Variants in UACA observed in about 807,000 individuals in gnomAD.
The protein encoded by UACA is nuclear membrane binding protein.
Under a neutral mutation model 160.5 loss-of-function variants are expected in UACA, and 112 were observed. The ratio of observed to expected loss-of-function variants is 0.70; its 90% CI spans 0.60 to 0.82. UACA has a LOEUF of 0.82. UACA is among the 40% of genes least tolerant of loss of function. UACA has a pLI of 0.00. For synonymous variants in UACA, 557 were observed against 568.4 expected (o/e 0.98, Z 0.29); for missense variants, 1,574 against 1,614.6 (o/e 0.97, Z 0.43).
the UACA span, among the ~76,000 whole-genome samples, chr15:70,770,956 G>A: frequency 3.3e-5 from 5 of 152,176 alleles, no homozygotes; most frequent in Admixed American, 2.6e-4. Flanking sequence ...CTACCTTGGG[G>A]AATTCCCAAA....
intron 16 of UACA, chr15:70,665,071 A>G (rs760079660): frequency 1.1e-5 from 3 of 273,400 alleles, no homozygotes; most frequent in Non-Finnish European, 1.4e-5. Context: ...ATGTGAGTAT[A>G]AACATAGTCT....
chr15:70,686,239 G>A (rs1897712284), intron 7 of UACA, among the ~76,000 whole-genome samples: 1 of 151,708 alleles, frequency 6.6e-6, no homozygotes, highest in Non-Finnish European at 1.5e-5. Flanking sequence ...GCCGGAGGTG[G>A]TTGAGTTACA....
rs1566965837 is a variant in UACA at position 70,669,017 on chromosome 15, G to A, written c.1667C>T (p.Ala556Val). ...LKDLKVKYEG[A>V]SAEVGKLRNQ... ...TCTTAATTTCCCCACTTCTGCTGAAGCACCTTCATATTTTACTTTCAAGTC... is the reference window on the plus strand; with the variant it reads ...TCTTAATTTCCCCACTTCTGCTGAAACACCTTCATATTTTACTTTCAAGTC... Residue 556 changes from alanine to valine, a missense_variant, in exon 16 of 19, where the codon GCT (alanine) becomes GTT (valine). Ala to Val is a moderately conservative substitution (Grantham distance 64). Transcript: ENST00000322954. The A allele has an allele frequency of 2.5e-6, 4 of 1,613,846 alleles. No individual in the cohort carries two copies. Among genetic ancestry groups the A allele is most frequent in the Non-Finnish European group, 3.4e-6 (4 of 1,180,014 alleles).
intron 1 of UACA, among the ~76,000 whole-genome samples, chr15:70,719,868 G>A (rs908249903): frequency 4.1e-4 from 62 of 152,248 alleles, no homozygotes; most frequent in African/African-American, 1.4e-3. Context: ...CATTTATCCA[G>A]TAAGATTTTC....
chr15:70,753,837 G>A lies in UACA; in HGVS notation c.78+9493C>T, dbSNP rs139943654. ...TTTGTTGCTGTTGAGACAGAGCCTCGCTCCATCGCCCAGGCTGGAGTGCAG... is the reference window on the plus strand; with the variant it reads ...TTTGTTGCTGTTGAGACAGAGCCTCACTCCATCGCCCAGGCTGGAGTGCAG... On this transcript the variant is annotated intron_variant, in intron 1 of 18. Coordinates refer to ENST00000322954, the MANE Select transcript of UACA (RefSeq NM_018003.4). Among the ~76,000 whole-genome samples the A allele has an allele frequency of 1.7e-3, 256 of 152,184 alleles. 1 individual carries two copies. Among genetic ancestry groups the A allele is most frequent in the African/African-American group, 2.2e-3 (92 of 41,520 alleles).
chr15:70,752,029 G>A (rs1011111388), intron 1 of UACA, among the ~76,000 whole-genome samples: 7 of 152,092 alleles, frequency 4.6e-5, no homozygotes, highest in Non-Finnish European at 1.0e-4. Context: ...CTGAGGTCAG[G>A]AGTTCACGAC....
intron 7 of UACA, among the ~76,000 whole-genome samples, chr15:70,686,708 A>G (rs1362006712): frequency 6.6e-6 from 1 of 152,044 alleles, no homozygotes; most frequent in Non-Finnish European, 1.5e-5. Context: ...TATACTTCTA[A>G]TAAACTACAA....
At chr15:70,659,395 GTTTTTTTTTTTTTTT>G (rs71152307) in intron 18 of UACA, among the ~76,000 whole-genome samples, 4 of 18,820 alleles carry the variant, frequency 2.1e-4, no homozygotes, top group Admixed American at 1.1e-3. Flanking sequence ...TTTTTTGTTT[GTTTTTTTTTTTTTTT>G]TTTTTTTTTT....
At position 70,763,178 on chromosome 15, in the gene UACA, G is replaced by T. The variant is rs2030879384; in HGVS notation, c.78+152C>A. 23 of 825,232 alleles carry T rather than the reference G, an allele frequency of 2.8e-5. No homozygotes were observed. The South Asian group carries it at 8.2e-4, about 29-fold the overall frequency. The allele number at this position is 825,232 out of a possible 1,614,324, so 51.1% of individuals were successfully genotyped here. On this transcript the variant is annotated intron_variant, in intron 1 of 18. Transcript: ENST00000322954. ...GGATCCCCGGGGTCTCTGGGCTGAC[G>T]GAGTCTCCGGCCTCAGGGAGGAGTC...
chr15:70,708,709 G>A (rs1350452703), intron 1 of UACA, among the ~76,000 whole-genome samples: 1 of 152,134 alleles, frequency 6.6e-6, no homozygotes, highest in Non-Finnish European at 1.5e-5. Flanking sequence ...GACCTCAAGT[G>A]ATCTGCCCAC....
At chr15:70,661,875 C>G in intron 17 of UACA, among the ~76,000 whole-genome samples, 1 of 152,132 alleles carries the variant, frequency 6.6e-6, no homozygotes. Context: ...ATAATAAGAG[C>G]TATCTATGAC....
chr15:70,776,632 T>C, the UACA span, among the ~76,000 whole-genome samples: 1 of 152,188 alleles, frequency 6.6e-6, no homozygotes, highest in East Asian at 1.9e-4. Context: ...TTTCACCAGG[T>C]TGGCCAGGCT....
intron 1 of UACA, chr15:70,701,764 A>G: frequency 9.8e-7 from 1 of 1,015,900 alleles, no homozygotes; most frequent in Middle Eastern, 2.9e-4. Context: ...CTTAATCAAG[A>G]AGAAAACAAT....
At chr15:70,760,218 G>GT (rs1332169906) in intron 1 of UACA, among the ~76,000 whole-genome samples, 3 of 151,844 alleles carry the variant, frequency 2.0e-5, no homozygotes, top group Non-Finnish European at 4.4e-5. Flanking sequence ...ATGTATCAAA[G>GT]ACTTAAATGT....
chr15:70,695,176 C>T, intron 2 of UACA, 71 bp from the exon 3 acceptor site: 1 of 1,069,984 alleles, frequency 9.3e-7, no homozygotes, highest in Non-Finnish European at 1.3e-6. Flanking sequence ...ACATTAATGT[C>T]ACCCTTTTTC....
Position 70,662,812 on chromosome 15 carries a change from C to T in UACA, c.4113+1850G>A, listed in dbSNP as rs561936097. On this transcript the variant is annotated intron_variant, in intron 17 of 18. Transcript: ENST00000322954. Reference sequence around the variant, plus strand: ...GCTGGGAAAACTGGCTAGCCATACGCAGAAAGCTGAAACTGGATCCCTTCC... The same window carrying T: ...GCTGGGAAAACTGGCTAGCCATACGTAGAAAGCTGAAACTGGATCCCTTCC... Among the ~76,000 whole-genome samples, 1,125 of 152,130 alleles carry T rather than the reference C, an allele frequency of 7.4e-3. 7 individuals carry two copies. Among genetic ancestry groups the T allele is most frequent in the Non-Finnish European group, 0.012 (814 of 67,974 alleles).
At chr15:70,688,717 A>G (rs1214237699) in intron 5 of UACA, among the ~76,000 whole-genome samples, 1 of 152,198 alleles carries the variant, frequency 6.6e-6, no homozygotes, top group Non-Finnish European at 1.5e-5. Context: ...CAGAGTTTAC[A>G]GATTACTAGA....
rs1222146143 is a variant in UACA, at chr15:70,741,690, G to C, written c.78+21640C>G. Among the ~76,000 whole-genome samples, 6 of 152,102 alleles carry C rather than the reference G, an allele frequency of 3.9e-5. No individual in the cohort carries two copies. In the South Asian group the frequency reaches 6.2e-4, roughly 16 times the overall value. ...TGTTATTACTCATGAACAATGAAAAGCAATAGTATACTATGTGATTAAAAC... is the reference window on the plus strand; with the variant it reads ...TGTTATTACTCATGAACAATGAAAACCAATAGTATACTATGTGATTAAAAC... On this transcript the variant is annotated intron_variant, in intron 1 of 18. Transcript: ENST00000322954.
rs114711600 is a variant in UACA at position 70,703,435 on chromosome 15, T to C, written c.79-3775A>G. ...AGGCCCATATTCTAATTATAAAATATATAAGGGTCATATACCATATCTCAT... is the reference window on the plus strand; with the variant it reads ...AGGCCCATATTCTAATTATAAAATACATAAGGGTCATATACCATATCTCAT... On this transcript the variant is annotated intron_variant, in intron 1 of 18. Coordinates refer to ENST00000322954, the MANE Select transcript of UACA (RefSeq NM_018003.4). 9.7e-3 allele frequency among the ~76,000 whole-genome samples: 1,482 copies of C among 152,328 alleles called. 32 individuals carry two copies. Among genetic ancestry groups the C allele is most frequent in the African/African-American group, 0.033 (1,378 of 41,570 alleles).
Sources: allele counts gnomAD v4.1 joint callset (sites outside exome capture counted in the v4.1 genomes callset), GRCh38; gene constraint gnomAD v4.1.1; transcripts MANE v1.5; gene names NCBI Gene and HGNC (gene_info 2026-07-23, HGNC 2026-07-21).